SLC4A4: variants seen among roughly 807,000 people sequenced by gnomAD.
The protein encoded by SLC4A4 is solute carrier family 4 member 4.
A neutral mutation model predicts 111.5 loss-of-function variants in SLC4A4; 27 were observed. The observed-to-expected ratio is 0.24, with a 90% CI of 0.18 to 0.33. The LOEUF (loss-of-function observed/expected upper bound fraction) is 0.33, where lower values mean the gene tolerates loss of function less well. Ranked by LOEUF, SLC4A4 falls within the 10% of genes least tolerant of loss-of-function variation. The pLI is 1.00. For missense variants in SLC4A4, 909 were observed against 1,315.5 expected, an observed-to-expected ratio of 0.69 and a Z score of 4.78; for synonymous variants, 443 against 463.4, an observed-to-expected ratio of 0.96 and a Z score of 0.57.
At chr4:71,339,656 C>T in intron 4 of SLC4A4, 151 bp downstream of exon 4, 1 of 714,964 alleles carries the variant, frequency 1.4e-6, no homozygotes, top group Non-Finnish European at 2.4e-6. Flanking sequence ...AATTCTATTT[C>T]TTCTTTTCTT....
At position 71,264,876 on chromosome 4, in the gene SLC4A4, G is replaced by A. The variant is rs181941891; in HGVS notation, c.253+9477G>A. 1.4e-3 allele frequency among the ~76,000 whole-genome samples: 219 copies of A among 152,214 alleles called. 2 individuals carry two copies. Among genetic ancestry groups the A allele is most frequent in the African/African-American group, 5.2e-3 (214 of 41,522 alleles). ...ATAGGTTTTGAGCAAAAGATACGCT[G>A]GTTAAGAAAGACTGAAGATAGGTAG... On this transcript the variant is annotated intron_variant, in intron 3 of 25. Transcript: ENST00000264485.
chr4:71,213,877 A>G (rs1718274488), intron 1 of SLC4A4, among the ~76,000 whole-genome samples: 1 of 152,172 alleles, frequency 6.6e-6, no homozygotes, highest in Admixed American at 6.5e-5. Flanking sequence ...ATCAGCTAGC[A>G]CCTGGATCTT....
Position 71,229,312 on chromosome 4 carries a change from CAT to C in SLC4A4, c.-1-7263_-1-7262del, listed in dbSNP as rs1719246825. The stretch of plus-strand genomic sequence containing the variant: ...GTTTAACCACTCTCCTGTTGAAAGA[CAT>C]GTGGATTAATTCTGGACTTTTCTAC... On this transcript the variant is annotated intron_variant, in intron 1 of 25. Transcript: ENST00000264485. Among the ~76,000 whole-genome samples the C allele has an allele frequency of 2.0e-5, 3 of 152,302 alleles. No homozygotes were observed. The South Asian group carries it at 6.2e-4, about 32-fold the overall frequency.
At chr4:71,451,096 C>G in intron 10 of SLC4A4, 92 bp from the exon 11 acceptor site, 1 of 833,818 alleles carries the variant, frequency 1.2e-6, no homozygotes, top group South Asian at 1.4e-5. Flanking sequence ...AGGGTTTTCA[C>G]TCCATCTCCC....
chr4:71,541,682 C>T (rs1196075040), intron 18 of SLC4A4, among the ~76,000 whole-genome samples: 2 of 150,672 alleles, frequency 1.3e-5, no homozygotes, highest in Non-Finnish European at 2.9e-5. Flanking sequence ...ATTTGAAACA[C>T]TCAGTCTGGC....
intron 6 of SLC4A4, among the ~76,000 whole-genome samples, chr4:71,379,738 G>A (rs965273656): frequency 6.6e-6 from 1 of 151,978 alleles, no homozygotes; most frequent in Non-Finnish European, 1.5e-5. Flanking sequence ...TTCCATTTTT[G>A]TTTTTGACTA....
intron 23 of SLC4A4, among the ~76,000 whole-genome samples, chr4:71,562,747 A>T (rs1456611653): frequency 6.6e-6 from 1 of 151,736 alleles, no homozygotes; most frequent in Non-Finnish European, 1.5e-5. Context: ...TAGCCCCTTT[A>T]CATTTAAGAT....
intron 4 of SLC4A4, among the ~76,000 whole-genome samples, chr4:71,349,068 T>A (rs937578450): frequency 6.6e-6 from 1 of 152,216 alleles, no homozygotes; most frequent in Non-Finnish European, 1.5e-5. Context: ...CTGTGTAATA[T>A]GTGGGATATA....
chr4:71,144,916 T>G (rs372617939), intron 2 of SLC4A4, among the ~76,000 whole-genome samples: 32 of 152,214 alleles, frequency 2.1e-4, no homozygotes, highest in East Asian at 5.8e-4. Flanking sequence ...GACTTCCTCT[T>G]TTCCTAATTG....
Position 71,563,886 on chromosome 4 carries a change from G to A in SLC4A4, c.3193G>A (p.Asp1065Asn). ...QPFLSDSKPS[D>N]RERSPTFLER... ...TTTCCTAAGCGATAGCAAACCTTCT[G>A]ACAGTGAGTAGAACTAACCTCTTGC... Residue 1065 changes from aspartate to asparagine, a missense_variant, in exon 24 of 26, where the codon GAC (aspartate) becomes AAC (asparagine). Physicochemically the swap from Asp to Asn is conservative, Grantham distance 23. Coordinates refer to ENST00000264485, the MANE Select transcript of SLC4A4 (RefSeq NM_001098484.3). 6.3e-6 allele frequency: 10 copies of A among 1,596,276 alleles called. No homozygotes were observed. Among genetic ancestry groups the A allele is most frequent in the Non-Finnish European group, 8.6e-6 (10 of 1,164,652 alleles).
intron 15 of SLC4A4, among the ~76,000 whole-genome samples, chr4:71,491,762 G>T (rs1247331638): frequency 1.3e-5 from 2 of 151,566 alleles, no homozygotes; most frequent in East Asian, 2.0e-4. Flanking sequence ...GAAATGTTTT[G>T]ATCTTTATTT....
chr4:71,079,699 C>T (rs111290988), intron 1 of SLC4A4, among the ~76,000 whole-genome samples: 3,424 of 151,394 alleles, frequency 0.023, 73 homozygotes, highest in African/African-American at 0.054. Flanking sequence ...TCACTTGAGC[C>T]TGGGAGGTCA....
chr4:71,282,473 TGG>T (rs1723600064), intron 3 of SLC4A4, among the ~76,000 whole-genome samples: 1 of 151,796 alleles, frequency 6.6e-6, no homozygotes, highest in Admixed American at 6.6e-5. Flanking sequence ...TTAGTAGAGA[TGG>T]GGTTTCTCCG....
At chr4:71,182,480 A>G (rs1745323162), upstream of SLC4A4, among the ~76,000 whole-genome samples, 1 of 152,146 alleles carries the variant, frequency 6.6e-6, no homozygotes. Flanking sequence ...GTGAACGGTA[A>G]TAGGCCAGTT....
At chr4:71,214,317 A>T (rs1718300062) in intron 1 of SLC4A4, among the ~76,000 whole-genome samples, 1 of 152,186 alleles carries the variant, frequency 6.6e-6, no homozygotes, top group Non-Finnish European at 1.5e-5. Context: ...AGGGAATGAT[A>T]ATTAAAGCAA....
intron 2 of SLC4A4, among the ~76,000 whole-genome samples, chr4:71,174,606 T>G (rs1291076201): frequency 6.6e-6 from 1 of 152,200 alleles, no homozygotes; most frequent in African/African-American, 2.4e-5. Flanking sequence ...ATCTAAATTA[T>G]GCAAAGGAAA....
intron 3 of SLC4A4, among the ~76,000 whole-genome samples, chr4:71,257,526 T>C (rs1468048121): frequency 6.6e-6 from 1 of 152,138 alleles, no homozygotes; most frequent in African/African-American, 2.4e-5. Context: ...CACCTAGATA[T>C]AGAAAGACAT....
intron 16 of SLC4A4, among the ~76,000 whole-genome samples, chr4:71,524,161 C>A (rs1181183924): frequency 6.6e-6 from 1 of 152,156 alleles, no homozygotes; most frequent in East Asian, 1.9e-4. Context: ...GGCCTGCCAT[C>A]ATTTTTCTTG....
chr4:71,440,562 T>C lies in SLC4A4; in HGVS notation c.808-54T>C. On this transcript the variant is annotated intron_variant, in intron 7 of 25. Coordinates refer to ENST00000264485, the MANE Select transcript of SLC4A4 (RefSeq NM_001098484.3). ...TTCCCTTCTCTGGAACTAATAGTAA[T>C]TCCACAGGAACCTTGTGGAACTAAA... 1.9e-6 allele frequency: 3 copies of C among 1,605,734 alleles called. No homozygotes were observed. In the South Asian group the frequency reaches 3.3e-5, roughly 18 times the overall value.
Sources: allele counts gnomAD v4.1 joint callset (sites outside exome capture counted in the v4.1 genomes callset), GRCh38; gene constraint gnomAD v4.1.1; transcripts MANE v1.5; gene names NCBI Gene and HGNC (gene_info 2026-07-23, HGNC 2026-07-21).